Variants in NR2F1-AS1 observed in about 807,000 individuals in gnomAD.
NR2F1-AS1 encodes the protein NR2F1 regulatory antisense RNA 1.
rs528896984 is a variant in NR2F1-AS1 at position 93,505,142 on chromosome 5, C to T, written n.638+48619G>A. Among the ~76,000 whole-genome samples the T allele has an allele frequency of 2.6e-5, 4 of 152,184 alleles. No individual in the cohort carries two copies. The East Asian group carries it at 7.7e-4, about 29-fold the overall frequency. The stretch of plus-strand genomic sequence containing the variant: ...TGGCCAAAACAAAGTGGTTACAGGG[C>T]CCATGCAAGTCCAAAATCCAGTAGG... On this transcript the variant is annotated intron_variant and non_coding_transcript_variant, in intron 4 of 5. Transcript: ENST00000660523.
chr5:93,512,573 TC>T (rs936198216), intron 4 of NR2F1-AS1, among the ~76,000 whole-genome samples: 1 of 152,166 alleles, frequency 6.6e-6, no homozygotes, highest in African/African-American at 2.4e-5. Context: ...TACAGTAATG[TC>T]CGAAGTTTTC....
intron 4 of NR2F1-AS1, among the ~76,000 whole-genome samples, chr5:93,510,172 T>C (rs1453997690): frequency 6.6e-6 from 1 of 152,074 alleles, no homozygotes; most frequent in African/African-American, 2.4e-5. Flanking sequence ...CCCAGGGTCA[T>C]GGCAGTTTTT....
At chr5:93,424,290 C>T (rs1168735559) in intron 4 of NR2F1-AS1, among the ~76,000 whole-genome samples, 2 of 150,174 alleles carry the variant, frequency 1.3e-5, no homozygotes, top group Admixed American at 1.3e-4. Flanking sequence ...ACAAACTCTA[C>T]AAGTACATTA....
At chr5:93,461,920 G>A (rs1256999955) in intron 4 of NR2F1-AS1, among the ~76,000 whole-genome samples, 1 of 152,080 alleles carries the variant, frequency 6.6e-6, no homozygotes, top group East Asian at 1.9e-4. Context: ...AAGTCTAGAT[G>A]ATTAGTAACA....
intron 4 of NR2F1-AS1, among the ~76,000 whole-genome samples, chr5:93,513,274 A>C (rs1215186680): frequency 6.6e-6 from 1 of 152,182 alleles, no homozygotes; most frequent in Non-Finnish European, 1.5e-5. Flanking sequence ...AAAAATCTTA[A>C]AACAGAATTA....
chr5:93,453,306 A>G (rs1325907809), intron 4 of NR2F1-AS1, among the ~76,000 whole-genome samples: 5 of 152,084 alleles, frequency 3.3e-5, no homozygotes, highest in Non-Finnish European at 7.4e-5. Flanking sequence ...AGTCTCAGGT[A>G]CCTGTACGAC....
chr5:93,496,042 G>GA, intron 4 of NR2F1-AS1: 1 of 152,094 alleles, frequency 6.6e-6, no homozygotes, highest in South Asian at 2.1e-4. Context: ...ATATTAGAAG[G>GA]AAAAAATGAA....
At chr5:93,506,291 T>C (rs1391057940) in intron 4 of NR2F1-AS1, among the ~76,000 whole-genome samples, 1 of 152,192 alleles carries the variant, frequency 6.6e-6, no homozygotes, top group Non-Finnish European at 1.5e-5. Flanking sequence ...TTCAAAGCCA[T>C]TCAACAAATT....
intron 4 of NR2F1-AS1, among the ~76,000 whole-genome samples, chr5:93,441,488 G>C (rs1362240115): frequency 6.6e-6 from 1 of 152,184 alleles, no homozygotes; most frequent in Admixed American, 6.5e-5. Flanking sequence ...GGGAAATTCT[G>C]GTGGCCTGGA....
chr5:93,521,804 G>A (rs1044675535), intron 4 of NR2F1-AS1, among the ~76,000 whole-genome samples: 3 of 152,134 alleles, frequency 2.0e-5, no homozygotes, highest in African/African-American at 2.4e-5. Context: ...GCAGTATGGC[G>A]ATTCCTCAAA....
chr5:93,442,175 T>G (rs1218835633), intron 4 of NR2F1-AS1, among the ~76,000 whole-genome samples: 1 of 152,102 alleles, frequency 6.6e-6, no homozygotes, highest in Non-Finnish European at 1.5e-5. Context: ...AGGTGCCAGG[T>G]TCATCTCACT....
chr5:93,581,022 T>A (rs1451066273), upstream of NR2F1-AS1: 1 of 152,300 alleles, frequency 6.6e-6, no homozygotes, highest in Non-Finnish European at 1.5e-5. Flanking sequence ...GGTCGCCGAC[T>A]CCCGACTTGT....
At chr5:93,480,624 G>A (rs1750581163) in intron 4 of NR2F1-AS1, among the ~76,000 whole-genome samples, 1 of 152,092 alleles carries the variant, frequency 6.6e-6, no homozygotes, top group African/African-American at 2.4e-5. Flanking sequence ...TTTTGGGCAT[G>A]TAATTTCCCT....
chr5:93,458,178 C>T (rs569735148), intron 4 of NR2F1-AS1, among the ~76,000 whole-genome samples: 14 of 152,158 alleles, frequency 9.2e-5, no homozygotes, highest in African/African-American at 2.4e-4. Flanking sequence ...AGGGGACCGG[C>T]GCTCAGCATA....
chr5:93,465,903 A>G (rs1316544518), intron 4 of NR2F1-AS1, among the ~76,000 whole-genome samples: 1 of 140,346 alleles, frequency 7.1e-6, no homozygotes, highest in Non-Finnish European at 1.5e-5. Flanking sequence ...GAAGGGGAAC[A>G]TCACACATGG....
At chr5:93,445,211 TGAAGGA>T (rs1749669907) in intron 4 of NR2F1-AS1, among the ~76,000 whole-genome samples, 1 of 151,900 alleles carries the variant, frequency 6.6e-6, no homozygotes, top group African/African-American at 2.4e-5. Flanking sequence ...AGAGCAGAAC[TGAAGGA>T]GATAGAGACA....
chr5:93,427,689 C>T (rs2149845293), intron 4 of NR2F1-AS1, among the ~76,000 whole-genome samples: 1 of 152,290 alleles, frequency 6.6e-6, no homozygotes, highest in African/African-American at 2.4e-5. Flanking sequence ...TGTTCAAGTT[C>T]AGACCAAGAC....
At chr5:93,458,062 G>A (rs1042121656) in intron 4 of NR2F1-AS1, among the ~76,000 whole-genome samples, 1 of 152,170 alleles carries the variant, frequency 6.6e-6, no homozygotes, top group African/African-American at 2.4e-5. Flanking sequence ...GGCACCAAAT[G>A]AAGGGGTGGC....
At chr5:93,448,850 G>A (rs750535809) in intron 4 of NR2F1-AS1, among the ~76,000 whole-genome samples, 3 of 152,120 alleles carry the variant, frequency 2.0e-5, no homozygotes, top group Admixed American at 6.6e-5. Context: ...CAATTCAAAT[G>A]CTCATCTCAG....
Sources: allele counts gnomAD v4.1 joint callset (sites outside exome capture counted in the v4.1 genomes callset), GRCh38; gene constraint gnomAD v4.1.1; transcripts MANE v1.5; gene names NCBI Gene and HGNC (gene_info 2026-07-23, HGNC 2026-07-21).